The following UPP2 variants were observed in gnomAD, a reference collection of about 807,000 sequenced individuals.
UPP2 encodes the protein UPase 2.
In UPP2, 23 loss-of-function variants were observed where a neutral mutation model predicts 26.7. The observed-to-expected ratio is 0.86, with a 90% CI of 0.62 to 1.22. The LOEUF (loss-of-function observed/expected upper bound fraction) is 1.22. Among genes scored for constraint, UPP2 ranks in the 50% most tolerant of loss-of-function variants. The pLI, the probability that UPP2 is intolerant of heterozygous loss-of-function variation, is 0.00. For synonymous variants in UPP2, 127 were observed against 141.3 expected (o/e 0.90, Z 0.72); for missense variants, 387 against 396.7 (o/e 0.98, Z 0.21).
At chr2:158,097,417 T>C (rs892190432), upstream of UPP2, among the ~76,000 whole-genome samples, 4 of 152,166 alleles carry the variant, frequency 2.6e-5, no homozygotes, top group African/African-American at 9.7e-5. Flanking sequence ...TATATAATTC[T>C]GGTAAAAAAT....
At chr2:158,018,877 C>T in intron 3 of UPP2, among the ~76,000 whole-genome samples, 1 of 152,030 alleles carries the variant, frequency 6.6e-6, no homozygotes. Flanking sequence ...GTCGAAGGAG[C>T]CAAGAAACTA....
At chr2:158,088,122 T>A (rs1682846474) in intron 3 of UPP2, among the ~76,000 whole-genome samples, 1 of 152,224 alleles carries the variant, frequency 6.6e-6, no homozygotes, top group South Asian at 2.1e-4. Flanking sequence ...ACACCAATTA[T>A]TCCTAGGTTC....
chr2:158,074,054 T>C (rs142883847), intron 3 of UPP2, among the ~76,000 whole-genome samples: 2,009 of 152,230 alleles, frequency 0.013, 26 homozygotes, highest in Middle Eastern at 0.044. Context: ...GGCATGCACT[T>C]GTAGTCTCAG....
chr2:158,046,302 C>A (rs951383703), intron 3 of UPP2, among the ~76,000 whole-genome samples: 1 of 152,212 alleles, frequency 6.6e-6, no homozygotes, highest in African/African-American at 2.4e-5. Context: ...TTCCACTCCC[C>A]CTCACTTGAA....
At chr2:158,066,311 C>T (rs181150901) in intron 3 of UPP2, among the ~76,000 whole-genome samples, 2 of 152,306 alleles carry the variant, frequency 1.3e-5, no homozygotes, top group East Asian at 1.9e-4. Context: ...ATGTGCCTGT[C>T]GTTTGTACCA....
intron 6 of UPP2, among the ~76,000 whole-genome samples, chr2:158,132,760 T>C (rs1009426416): frequency 6.6e-6 from 1 of 151,854 alleles, no homozygotes; most frequent in East Asian, 1.9e-4. Flanking sequence ...CCAACAGATA[T>C]ATTAAAAAAA....
chr2:158,048,873 A>G (rs1682101071), intron 3 of UPP2, among the ~76,000 whole-genome samples: 1 of 152,132 alleles, frequency 6.6e-6, no homozygotes, highest in Non-Finnish European at 1.5e-5. Flanking sequence ...CATAGAGGAG[A>G]ACTCTGGCCC....
intron 3 of UPP2, among the ~76,000 whole-genome samples, chr2:158,053,774 G>A (rs866989969): frequency 3.3e-5 from 5 of 152,178 alleles, no homozygotes; most frequent in African/African-American, 1.2e-4. Context: ...TAGTTTACTC[G>A]AAGTGTGAGG....
chr2:158,043,728 A>G (rs540203715), intron 3 of UPP2, among the ~76,000 whole-genome samples: 34 of 152,332 alleles, frequency 2.2e-4, no homozygotes, highest in Middle Eastern at 6.8e-3. Flanking sequence ...TGCTGCCAGC[A>G]TAGTTACGAC....
At chr2:157,995,666 G>C (rs1175923370) in intron 2 of UPP2, among the ~76,000 whole-genome samples, 1 of 151,218 alleles carries the variant, frequency 6.6e-6, no homozygotes, top group Admixed American at 6.6e-5. Flanking sequence ...CAAAAAGAAA[G>C]ACCCCAGAAA....
At chr2:157,995,455 C>T (rs540181186) in intron 2 of UPP2, among the ~76,000 whole-genome samples, 38 of 152,220 alleles carry the variant, frequency 2.5e-4, no homozygotes, top group African/African-American at 9.1e-4. Flanking sequence ...GAGCTAGGCC[C>T]ACTGAAATTC....
chr2:158,013,263 TGGCATTACA>T (rs1226286216), intron 2 of UPP2, among the ~76,000 whole-genome samples: 1 of 152,222 alleles, frequency 6.6e-6, no homozygotes, highest in Non-Finnish European at 1.5e-5. Flanking sequence ...CCCAAAGTGC[TGGCATTACA>T]GGCATGAGCC....
At chr2:158,094,067 A>C (rs375710367) in intron 3 of UPP2, among the ~76,000 whole-genome samples, 4 of 151,458 alleles carry the variant, frequency 2.6e-5, no homozygotes, top group African/African-American at 9.7e-5. Flanking sequence ...ACACGCACAC[A>C]CCTTAAACCT....
At chr2:158,002,429 C>T (rs1683423700) in intron 2 of UPP2, among the ~76,000 whole-genome samples, 1 of 152,174 alleles carries the variant, frequency 6.6e-6, no homozygotes, top group Admixed American at 6.5e-5. Context: ...ACTCTCTGCT[C>T]TTTATTTTGA....
chr2:158,056,421 C>T (rs1421536005), intron 3 of UPP2, among the ~76,000 whole-genome samples: 1 of 152,092 alleles, frequency 6.6e-6, no homozygotes, highest in African/African-American at 2.4e-5. Flanking sequence ...TTTTCTGTTC[C>T]AGGATCCAGT....
At chr2:158,048,381 G>A (rs1574262729) in intron 3 of UPP2, among the ~76,000 whole-genome samples, 1 of 152,208 alleles carries the variant, frequency 6.6e-6, no homozygotes, top group Non-Finnish European at 1.5e-5. Flanking sequence ...CAAGGTGGGA[G>A]GATCACTTGA....
intron 3 of UPP2, chr2:158,066,082 G>T: frequency 7.8e-6 from 2 of 254,822 alleles, no homozygotes; most frequent in Admixed American, 4.2e-5. Context: ...TGGGGTCCCT[G>T]ATGCTATTGC....
At position 158,130,474 on chromosome 2, in the gene UPP2, A is replaced by C. The variant is rs1423587629; in HGVS notation, c.812-4274A>C. Reference sequence around the variant, plus strand: ...TCAAAAAAAAAAACAAAAAAAAAAAACCACTGTGCATTATACAGCCACCAT... The same window carrying C: ...TCAAAAAAAAAAACAAAAAAAAAAACCCACTGTGCATTATACAGCCACCAT... On this transcript the variant is annotated intron_variant, in intron 6 of 6. Coordinates refer to ENST00000005756, the MANE Select transcript of UPP2 (RefSeq NM_173355.4). Among the ~76,000 whole-genome samples, 355 of 151,550 alleles carry C rather than the reference A, an allele frequency of 2.3e-3. 4 individuals are homozygous for C. In the South Asian group the frequency reaches 0.024, roughly 10 times the overall value.
At chr2:158,084,067 T>C (rs1388812394) in intron 3 of UPP2, among the ~76,000 whole-genome samples, 1 of 151,984 alleles carries the variant, frequency 6.6e-6, no homozygotes, top group Non-Finnish European at 1.5e-5. Context: ...CTATTTTAGT[T>C]CTTTAAGGAA....
Sources: allele counts gnomAD v4.1 joint callset (sites outside exome capture counted in the v4.1 genomes callset), GRCh38; gene constraint gnomAD v4.1.1; transcripts MANE v1.5; gene names NCBI Gene and HGNC (gene_info 2026-07-23, HGNC 2026-07-21).